The following GLT1D1 variants were observed in gnomAD, a reference collection of about 807,000 sequenced individuals.
GLT1D1 encodes the protein glycosyltransferase 1 domain containing 1, also known as glycosyltransferase 1 domain-containing protein 1.
In GLT1D1, 21 loss-of-function variants were observed where a neutral mutation model predicts 28.7. The ratio of observed to expected loss-of-function variants is 0.73; its 90% CI spans 0.52 to 1.05. GLT1D1 has a LOEUF of 1.05. Among genes scored for constraint, GLT1D1 ranks in the 50% least tolerant of loss-of-function variants. The pLI is 0.00. For synonymous variants in GLT1D1, 147 were observed against 124.8 expected (o/e 1.18, Z -1.19); for missense variants, 343 against 330.6 (o/e 1.04, Z -0.29).
At chr12:128,874,060 CTTTCTTT>C in intron 1 of GLT1D1, among the ~76,000 whole-genome samples, 1 of 29,954 alleles carries the variant, frequency 3.3e-5, no homozygotes, top group Non-Finnish European at 5.0e-5. Context: ...TCCCTCCCTC[CTTTCTTT>C]CTTTCTTTCT....
chr12:128,975,948 G>A (rs925721265), intron 7 of GLT1D1, among the ~76,000 whole-genome samples: 4 of 152,228 alleles, frequency 2.6e-5, no homozygotes, highest in African/African-American at 7.2e-5. Flanking sequence ...CCCGATGCAG[G>A]AGCTACTGGG....
chr12:128,873,878 C>CT, intron 1 of GLT1D1, among the ~76,000 whole-genome samples: 4 of 103,028 alleles, frequency 3.9e-5, no homozygotes, highest in African/African-American at 1.7e-4. Context: ...CTCCTTCCTT[C>CT]CTTCCTCTCT....
intron 4 of GLT1D1, among the ~76,000 whole-genome samples, chr12:128,941,203 C>T (rs1334997855): frequency 6.6e-6 from 1 of 152,186 alleles, no homozygotes; most frequent in African/African-American, 2.4e-5. Flanking sequence ...TGGATTGGCA[C>T]ATCACGTCTA....
In GLT1D1 at chr12:128,927,517, C is replaced by T. The variant is rs181296183; in HGVS notation, c.376-17809C>T. 8.5e-4 allele frequency among the ~76,000 whole-genome samples: 129 copies of T among 152,096 alleles called. No homozygotes were observed. The Middle Eastern group carries it at 0.014, about 16-fold the overall frequency. ...CCTCCCAAAGTGCTGGGATTACAGG[C>T]GTGAGCCACCGCGCCCAGCTTACAT... On this transcript the variant is annotated intron_variant, in intron 4 of 7. Transcript: ENST00000281703.
intron 1 of GLT1D1, among the ~76,000 whole-genome samples, chr12:128,874,120 C>CTTTCTTTCTTTCTTTCTT (rs1555261630): frequency 3.8e-5 from 2 of 52,808 alleles, no homozygotes; most frequent in African/African-American, 1.8e-4. Context: ...CTCTCTCTCT[C>CTTTCTTTCTTTCTTTCTT]TCTCTCTTTC....
intron 7 of GLT1D1, among the ~76,000 whole-genome samples, chr12:128,964,475 C>T (rs1878265770): frequency 6.6e-6 from 1 of 152,206 alleles, no homozygotes; most frequent in Admixed American, 6.5e-5. Context: ...GTGAGCAGCT[C>T]AGTGTATGAA....
At chr12:128,868,487 G>C (rs1956604359) in intron 1 of GLT1D1, among the ~76,000 whole-genome samples, 1 of 152,132 alleles carries the variant, frequency 6.6e-6, no homozygotes, top group Admixed American at 6.5e-5. Context: ...GTATGGAGAA[G>C]GGAAATGGGA....
chr12:128,920,327 C>T (rs753280719), intron 4 of GLT1D1, among the ~76,000 whole-genome samples: 2 of 152,094 alleles, frequency 1.3e-5, no homozygotes, highest in Admixed American at 6.6e-5. Flanking sequence ...GCCGAGGCAG[C>T]GGATCACTTG....
chr12:128,899,208 G>T (rs771277092), intron 3 of GLT1D1, 28 bp from the exon 4 acceptor site: 24 of 1,571,500 alleles, frequency 1.5e-5, no homozygotes, highest in Non-Finnish European at 2.1e-5. Context: ...TGGCCTAATT[G>T]TTTCTATTAT....
chr12:128,975,307 T>A (rs540374902), intron 7 of GLT1D1, among the ~76,000 whole-genome samples: 9 of 151,820 alleles, frequency 5.9e-5, no homozygotes, highest in African/African-American at 9.7e-5. Context: ...GGGGTCAGAG[T>A]CCCCACCCTA....
At chr12:128,920,272 C>T (rs1872543904) in intron 4 of GLT1D1, among the ~76,000 whole-genome samples, 2 of 152,088 alleles carry the variant, frequency 1.3e-5, no homozygotes, top group African/African-American at 2.4e-5. Flanking sequence ...TGTGTCCTGG[C>T]GCAGTGGCTC....
At position 128,957,473 on chromosome 12, in the gene GLT1D1, G is replaced by A. The variant is rs188570978; in HGVS notation, c.541-72G>A. 104 of 1,001,626 alleles carry A rather than the reference G, an allele frequency of 1.0e-4. No individual in the cohort carries two copies. The Middle Eastern group carries it at 1.3e-3, about 12-fold the overall frequency. 62.0% of individuals were successfully genotyped at this position (1,001,626 alleles called of 1,614,324 possible). On this transcript the variant is annotated intron_variant, in intron 6 of 7. Transcript: ENST00000281703. ...TTAACCCAAGAAGTTATTCTGCCCCGCCCTGACTCATCTTGCCGCAGAGGC... is the reference window on the plus strand; with the variant it reads ...TTAACCCAAGAAGTTATTCTGCCCCACCCTGACTCATCTTGCCGCAGAGGC...
intron 7 of GLT1D1, among the ~76,000 whole-genome samples, chr12:128,959,448 G>A (rs1877694371): frequency 9.6e-6 from 1 of 103,804 alleles, no homozygotes; most frequent in African/African-American, 3.5e-5. Flanking sequence ...GCGGGGTGGG[G>A]AACGGCGGGT....
At chr12:128,896,083 C>T (rs1869592381) in intron 3 of GLT1D1, among the ~76,000 whole-genome samples, 1 of 152,068 alleles carries the variant, frequency 6.6e-6, no homozygotes, top group Non-Finnish European at 1.5e-5. Flanking sequence ...TTCAATGGTG[C>T]AGTCAGGGGA....
Position 128,968,874 on chromosome 12 carries a change from G to A in GLT1D1, c.639+11231G>A, listed in dbSNP as rs1213635521. 2.6e-5 allele frequency among the ~76,000 whole-genome samples: 4 copies of A among 152,002 alleles called. No homozygotes were observed. The East Asian group carries it at 5.8e-4, about 22-fold the overall frequency. The stretch of plus-strand genomic sequence containing the variant: ...GGGTCTGACTGCAGAGCCTGAGCTC[G>A]GGCAGCGCCAGGAGCACAAATGGCC... On this transcript the variant is annotated intron_variant, in intron 7 of 7. Coordinates refer to ENST00000281703, the MANE Select transcript of GLT1D1 (RefSeq NM_144669.3).
At chr12:128,939,135 A>G (rs1874861328) in intron 4 of GLT1D1, among the ~76,000 whole-genome samples, 3 of 152,070 alleles carry the variant, frequency 2.0e-5, no homozygotes, top group Admixed American at 1.3e-4. Flanking sequence ...GCTGGTGAGG[A>G]GTGTGGCTGC....
intron 2 of GLT1D1, among the ~76,000 whole-genome samples, chr12:128,880,819 G>A (rs1355672595): frequency 6.6e-6 from 1 of 152,160 alleles, no homozygotes; most frequent in Non-Finnish European, 1.5e-5. Flanking sequence ...TCGCCACCCA[G>A]AAACGACCAC....
intron 2 of GLT1D1, among the ~76,000 whole-genome samples, chr12:128,879,946 G>GT (rs1386842146): frequency 6.6e-6 from 1 of 152,040 alleles, no homozygotes; most frequent in East Asian, 1.9e-4. Flanking sequence ...AGTCTCTCTT[G>GT]TTTTTTTGCT....
At chr12:128,869,734 G>A (rs928925184) in intron 1 of GLT1D1, among the ~76,000 whole-genome samples, 2 of 151,990 alleles carry the variant, frequency 1.3e-5, no homozygotes, top group Non-Finnish European at 2.9e-5. Context: ...GACTATGGGG[G>A]CCTGACCCTG....
Sources: allele counts gnomAD v4.1 joint callset (sites outside exome capture counted in the v4.1 genomes callset), GRCh38; gene constraint gnomAD v4.1.1; transcripts MANE v1.5; gene names NCBI Gene and HGNC (gene_info 2026-07-23, HGNC 2026-07-21).